MXD1: variants seen among roughly 807,000 people sequenced by gnomAD.
MXD1 encodes the protein MAX-binding protein.
MXD1 carries 9 observed loss-of-function variants against 25.7 expected under a neutral mutation model. The ratio of observed to expected loss-of-function variants is 0.35; its 90% confidence interval spans 0.21 to 0.61. The LOEUF (loss-of-function observed/expected upper bound fraction) is 0.61. Ranked by LOEUF, MXD1 falls within the 20% of genes least tolerant of loss-of-function variation. The pLI is 0.75. For synonymous variants in MXD1, 99 were observed against 113.9 expected (o/e 0.87, Z 0.83); for missense variants, 227 against 292.4 (o/e 0.78, Z 1.63).
At chr2:69,922,716 CTAA>C (rs1377266752) in intron 3 of MXD1, among the ~76,000 whole-genome samples, 5 of 151,886 alleles carry the variant, frequency 3.3e-5, no homozygotes, top group African/African-American at 9.7e-5. Context: ...CCTGTTTCAA[CTAA>C]TAATACAAAA....
chr2:69,935,489 C>T (rs769675931), intron 4 of MXD1, 24 bp downstream of exon 4: 1 of 1,490,302 alleles, frequency 6.7e-7, no homozygotes, highest in Non-Finnish European at 9.4e-7. Context: ...TGGGATGCTG[C>T]TTTATCTTTA....
chr2:69,934,742 C>A (rs1469216230), intron 3 of MXD1, among the ~76,000 whole-genome samples: 2 of 152,206 alleles, frequency 1.3e-5, no homozygotes, highest in Non-Finnish European at 2.9e-5. Flanking sequence ...TCTGGAAAAT[C>A]TTTCCTAATA....
At chr2:69,925,070 C>T (rs553151324) in intron 3 of MXD1, among the ~76,000 whole-genome samples, 11 of 152,140 alleles carry the variant, frequency 7.2e-5, no homozygotes, top group South Asian at 4.2e-4. Flanking sequence ...CCTAAGATGC[C>T]GTGTAGTAGG....
intron 4 of MXD1, among the ~76,000 whole-genome samples, chr2:69,935,971 C>T (rs992929506): frequency 1.3e-5 from 2 of 152,104 alleles, no homozygotes; most frequent in African/African-American, 4.8e-5. Flanking sequence ...CAGATTCTGC[C>T]TTGCCTGGTC....
At chr2:69,920,755 C>T (rs1228916388) in intron 2 of MXD1, among the ~76,000 whole-genome samples, 1 of 152,140 alleles carries the variant, frequency 6.6e-6, no homozygotes, top group Non-Finnish European at 1.5e-5. Context: ...AGATTCAGCT[C>T]CTTTATAATA....
chr2:69,937,096 A>G (rs1677466712), intron 4 of MXD1, 139 bp from the exon 5 acceptor site: 1 of 1,116,534 alleles, frequency 9.0e-7, no homozygotes, highest in Non-Finnish European at 1.4e-6. Context: ...TTCCTGTCTC[A>G]GGGAGAAGCT....
Position 69,915,186 on chromosome 2 carries a change from C to T in MXD1, c.-145C>T. 1.6e-6 allele frequency: 1 copy of T among 635,456 alleles called. No individual in the cohort carries two copies. Among genetic ancestry groups the T allele is most frequent in the East Asian group, 3.4e-5 (1 of 29,028 alleles). The allele number at this position is 635,456 out of a possible 1,614,324, so 39.4% of individuals were successfully genotyped here. On this transcript the variant is annotated 5_prime_UTR_variant, in exon 1 of 6. Coordinates refer to ENST00000264444, the MANE Select transcript of MXD1 (RefSeq NM_002357.4). The surrounding 1 kb of genome is among the most constrained non-coding windows in gnomAD (Gnocchi z 5.8). ...CTCCCTCTCTTGTCGAGCGTGGTTG[C>T]CAGAGAGGCTCCCTCAGCCCTGCTC...
At chr2:69,927,471 TCTTCCTTGTACTATAA>T (rs899953403) in intron 3 of MXD1, among the ~76,000 whole-genome samples, 19 of 152,202 alleles carry the variant, frequency 1.2e-4, no homozygotes, top group African/African-American at 4.6e-4. Context: ...ACAAGAATCA[TCTTCCTTGTACTATAA>T]CCCTTGAGTA....
At chr2:69,927,809 A>C (rs1042818538) in intron 3 of MXD1, among the ~76,000 whole-genome samples, 1 of 152,242 alleles carries the variant, frequency 6.6e-6, no homozygotes, top group Non-Finnish European at 1.5e-5. Flanking sequence ...GTATATTACT[A>C]TCTTTGTATT....
chr2:69,938,895 T>C lies in MXD1; in HGVS notation c.*611T>C, dbSNP rs1261294834. 1.3e-5 allele frequency: 2 copies of C among 152,844 alleles called. No individual in the cohort carries two copies. The highest frequency in any genetic ancestry group is 4.8e-5 in the African/African-American group (2 of 41,460). The allele number at this position is 152,844 out of a possible 1,614,324, so 9.5% of individuals were successfully genotyped here. A position where few individuals can be genotyped will look rare whatever the true frequency, so the allele number is the denominator to read the frequency against. On this transcript the variant is annotated 3_prime_UTR_variant, in exon 6 of 6. Transcript: ENST00000264444. ...GGGAGCAGTATTTCTCACTTTAAAA[T>C]GGACACCTTGATAGTGTGTCTCTGG...
At chr2:69,932,754 T>C (rs1465665672) in intron 3 of MXD1, among the ~76,000 whole-genome samples, 3 of 152,206 alleles carry the variant, frequency 2.0e-5, no homozygotes, top group Non-Finnish European at 4.4e-5. Context: ...TATATTTTTA[T>C]CAGTGGACAA....
intron 3 of MXD1, among the ~76,000 whole-genome samples, chr2:69,923,080 CA>C (rs1177186038): frequency 1.6e-4 from 23 of 141,646 alleles, no homozygotes; most frequent in Non-Finnish European, 2.3e-4. Context: ...AAAACAACAA[CA>C]AAAAAAAAAC....
Position 69,938,327 on chromosome 2 carries a change from T to C in MXD1, c.*43T>C, listed in dbSNP as rs17037259. 2.3e-3 allele frequency: 3,696 copies of C among 1,599,904 alleles called. 78 individuals carry two copies. The African/African-American group carries it at 0.044, about 19-fold the overall frequency. ...CTGTCTCCTTGAAGGTTCTCCCTGT[T>C]GGTTCTGATTAGGTAACGTATTGGA... On this transcript the variant is annotated 3_prime_UTR_variant, in exon 6 of 6. Coordinates refer to ENST00000264444, the MANE Select transcript of MXD1 (RefSeq NM_002357.4).
chr2:69,926,163 C>T (rs934468079), intron 3 of MXD1, among the ~76,000 whole-genome samples: 1 of 152,174 alleles, frequency 6.6e-6, no homozygotes, highest in Non-Finnish European at 1.5e-5. Context: ...TTTTCTATCA[C>T]ATAACTGTCC....
intron 3 of MXD1, among the ~76,000 whole-genome samples, chr2:69,927,989 G>A (rs1253730174): frequency 1.3e-5 from 2 of 151,712 alleles, no homozygotes; most frequent in African/African-American, 4.8e-5. Flanking sequence ...TCTTCACCTG[G>A]ATTTTTTTTT....
In MXD1 at chr2:69,938,270, T is replaced by C; in HGVS notation, c.652T>C (p.Cys218Arg). 7 of 1,614,076 alleles carry C rather than the reference T, an allele frequency of 4.3e-6. No homozygotes were observed. The highest frequency in any genetic ancestry group is 5.9e-6 in the Non-Finnish European group (7 of 1,179,984). Residue 218 changes from cysteine to arginine, a missense_variant, in exon 6 of 6, where the codon TGT (cysteine) becomes CGT (arginine). Transcript: ENST00000264444. The stretch of plus-strand genomic sequence containing the variant: ...AAAGCTGCAGGACAGTCACAAGGCG[T>C]GTCTTGGTCTCTAAGAGAGTGGGCA... ...RIKLQDSHKA[C>R]LGL
intron 3 of MXD1, among the ~76,000 whole-genome samples, chr2:69,927,212 A>C (rs1012336005): frequency 2.0e-5 from 3 of 152,214 alleles, no homozygotes; most frequent in African/African-American, 4.8e-5. Context: ...TGATTTTTCA[A>C]ATGACCAAGT....
intron 3 of MXD1, among the ~76,000 whole-genome samples, chr2:69,934,761 A>G (rs1429427545): frequency 6.6e-6 from 1 of 152,230 alleles, no homozygotes; most frequent in Admixed American, 6.5e-5. Flanking sequence ...TAGGACATAA[A>G]GCACATTCTC....
intron 3 of MXD1, among the ~76,000 whole-genome samples, chr2:69,934,993 A>G (rs1677386973): frequency 6.6e-6 from 1 of 152,242 alleles, no homozygotes; most frequent in Non-Finnish European, 1.5e-5. Flanking sequence ...ATATGCATTT[A>G]ATACTTCAAT....
Sources: gnomAD v4.1 joint callset for allele counts (sites outside exome capture counted in the v4.1 genomes callset) on GRCh38, gnomAD v4.1.1 for gene constraint, Gnocchi (gnomAD v3.1) non-coding constraint, MANE v1.5 for transcripts, NCBI Gene and HGNC (gene_info 2026-07-23, HGNC 2026-07-21) for gene names.